JAG2: variants seen among roughly 807,000 people sequenced by gnomAD.
JAG2 encodes the protein jagged canonical Notch ligand 2, also known as protein jagged-2.
In JAG2, 46 loss-of-function variants were observed where a neutral mutation model predicts 141.7. That is an observed-to-expected ratio of 0.32 (90% CI 0.26 to 0.42). The LOEUF is 0.42. Among genes scored for constraint, JAG2 ranks in the 10% least tolerant of loss-of-function variants. JAG2 has a pLI of 1.00. For synonymous variants in JAG2, 862 were observed against 763.5 expected (o/e 1.13, Z -2.13); for missense variants, 1,500 against 1,817.5 (o/e 0.83, Z 3.18).
At position 105,142,231 on chromosome 14, in the gene JAG2, G is replaced by A. The variant is rs150562256; in HGVS notation, c.*464C>T. 1,455 of 163,208 alleles carry A rather than the reference G, an allele frequency of 8.9e-3. 29 individuals carry two copies. Among genetic ancestry groups the A allele is most frequent in the Middle Eastern group, 0.08 (151 of 1,896 alleles). The allele number at this position is 163,208 out of a possible 1,614,324, so 10.1% of individuals were successfully genotyped here. Reference sequence around the variant, plus strand: ...CCCATTGACAGCCACGAGTCCCACCGACAGCCACAGGCCACACCATCAGCC... The same window carrying A: ...CCCATTGACAGCCACGAGTCCCACCAACAGCCACAGGCCACACCATCAGCC... On this transcript the variant is annotated 3_prime_UTR_variant, in exon 26 of 26. Transcript: ENST00000331782.
chr14:105,147,216 T>C, intron 20 of JAG2, 110 bp downstream of exon 20: 2 of 807,744 alleles, frequency 2.5e-6, no homozygotes, highest in Non-Finnish European at 2.1e-6. Flanking sequence ...AGGCAGGAAG[T>C]AGTTGTGGCC....
chr14:105,166,026 G>T (rs974388001), intron 2 of JAG2, among the ~76,000 whole-genome samples: 1 of 152,246 alleles, frequency 6.6e-6, no homozygotes, highest in Non-Finnish European at 1.5e-5. Context: ...GGAGACCAGG[G>T]CTGCCCCCAA....
At chr14:105,150,817 G>C in intron 11 of JAG2, 40 bp from the exon 12 acceptor site, 2 of 1,573,208 alleles carry the variant, frequency 1.3e-6, no homozygotes, top group Non-Finnish European at 1.7e-6. Context: ...CAGGCACCCT[G>C]ACGGCCCCGC....
chr14:105,162,471 C>A (rs1888777115), intron 2 of JAG2, among the ~76,000 whole-genome samples: 1 of 152,190 alleles, frequency 6.6e-6, no homozygotes, highest in Non-Finnish European at 1.5e-5. Flanking sequence ...GGCCAGGGCA[C>A]CTCAAAGCCC....
At chr14:105,168,164 G>C in intron 1 of JAG2, 57 bp from the exon 2 acceptor site, 1 of 1,398,628 alleles carries the variant, frequency 7.1e-7, no homozygotes, top group Non-Finnish European at 9.3e-7. Flanking sequence ...CGGCGGGCCG[G>C]GCGCCAGGGG....
chr14:105,144,498 C>G (rs946873832), intron 24 of JAG2, among the ~76,000 whole-genome samples: 1 of 152,196 alleles, frequency 6.6e-6, no homozygotes, highest in Non-Finnish European at 1.5e-5. Flanking sequence ...ATTCCCTCCC[C>G]TCTCCGGGCA....
In JAG2 at chr14:105,148,182, A is replaced by G; in HGVS notation, c.2182T>C (p.Tyr728His). The change falls in exon 17 of 26, where the codon TAC becomes CAC. Residue 728 changes from tyrosine to histidine, a missense_variant. This residue lies in a region of JAG2 where 875 missense variants were observed against 1,202.2 expected (regional missense o/e 0.73). Coordinates refer to ENST00000331782, the MANE Select transcript of JAG2 (RefSeq NM_002226.5). Reference protein sequence around the residue: ...AYTCSNGGTCYDSGDTFRCAC... With the variant: ...AYTCSNGGTCHDSGDTFRCAC... ...CAGCGGAAGGTGTCGCCGCTGTCGT[A>G]GCAGGTGCCACCGTTGCTGCAGGTG... 6.4e-7 allele frequency: 1 copy of G among 1,553,098 alleles called. No homozygotes were observed. Among genetic ancestry groups the G allele is most frequent in the Non-Finnish European group, 8.7e-7 (1 of 1,148,548 alleles).
Position 105,150,679 on chromosome 14 carries a change from G to T in JAG2, c.1527C>A (p.Ser509Arg), listed in dbSNP as rs374509372. The T allele has an allele frequency of 2.9e-5, 45 of 1,552,168 alleles. No homozygotes were observed. The highest frequency in any genetic ancestry group is 3.7e-5 in the Non-Finnish European group (42 of 1,148,050). The part of the protein sequence containing the change: ...RDECASSPCH[S>R]GGLCEDLADG... Reference sequence around the variant, plus strand: ...CGGCCAGGTCCTCGCAGAGGCCGCCGCTGTGGCAGGGGCTGCTGGCACACT... The same window carrying T: ...CGGCCAGGTCCTCGCAGAGGCCGCCTCTGTGGCAGGGGCTGCTGGCACACT... The change falls in exon 12 of 26, where the codon AGC (serine) becomes AGA (arginine). Residue 509 changes from serine to arginine, a missense_variant. Coordinates refer to ENST00000331782, the MANE Select transcript of JAG2 (RefSeq NM_002226.5).
In JAG2 at chr14:105,154,307, T is replaced by C. The variant is rs902008951; in HGVS notation, c.788+1255A>G. Among the ~76,000 whole-genome samples, 1 of 152,184 alleles carries C rather than the reference T, an allele frequency of 6.6e-6. No individual in the cohort carries two copies. The highest frequency in any genetic ancestry group is 2.4e-5 in the African/African-American group (1 of 41,440). ...TCCTGGGACCCCTGCAATCCAAGGC[T>C]GGCTGGAGGGCGGTGCTCACCTCCA... On this transcript the variant is annotated intron_variant, in intron 5 of 25. Transcript: ENST00000331782. This position sits in a 1 kb window ranked among gnomAD's most constrained non-coding sequence, Gnocchi z 4.4.
rs1407080658 is a variant in JAG2 at position 105,151,657 on chromosome 14, T to C, written c.1122A>G (p.Pro374=). The C allele has an allele frequency of 4.3e-6, 7 of 1,610,404 alleles. No homozygotes were observed. The highest frequency in any genetic ancestry group is 5.1e-6 in the Non-Finnish European group (6 of 1,179,138). ...CACAGGTGGGCCCGCTCCAGCCCGA[T>C]GGGCAGTGGCATTCGAAGCCGGACG... ...EVPSGFECHC[P]SGWSGPTCAL... is the part of the protein sequence containing the mutation. Residue 374 remains proline, a synonymous_variant, in exon 8 of 26, where the codon CCA becomes CCG. Transcript: ENST00000331782.
At chr14:105,147,450 G>T in intron 19 of JAG2, 39 bp from the exon 20 acceptor site, 1 of 1,609,666 alleles carries the variant, frequency 6.2e-7, no homozygotes, top group Admixed American at 1.7e-5. Flanking sequence ...GCCCCCCGTG[G>T]TATGCCAAGT....
intron 12 of JAG2, among the ~76,000 whole-genome samples, chr14:105,149,843 G>A (rs1294661514): frequency 9.9e-6 from 1 of 101,400 alleles, no homozygotes; most frequent in Non-Finnish European, 2.0e-5. Flanking sequence ...GAAGTAAGGG[G>A]AGGGGGTGGT....
At chr14:105,145,405 C>G (rs2816636) in intron 23 of JAG2, among the ~76,000 whole-genome samples, 145,013 of 152,300 alleles carry the variant, frequency 0.95, 69,112 homozygotes, top group East Asian at 1. Flanking sequence ...GCAAAGGTGG[C>G]TCCTAGGCCA....
intron 2 of JAG2, among the ~76,000 whole-genome samples, chr14:105,160,845 G>A (rs1189203527): frequency 2.0e-5 from 3 of 148,440 alleles, no homozygotes; most frequent in Non-Finnish European, 4.4e-5. Flanking sequence ...CCTGGGCAAC[G>A]AGGGCAAAAC....
In JAG2 at chr14:105,149,162, C is replaced by T. The variant is rs749297498; in HGVS notation, c.1753+8G>A. 9.8e-5 allele frequency: 158 copies of T among 1,609,364 alleles called. 4 individuals are homozygous for T. In the Admixed American group the frequency reaches 2.4e-3, roughly 24 times the overall value. On this transcript the variant is annotated splice_region_variant and intron_variant, in intron 13 of 25. Coordinates refer to ENST00000331782, the MANE Select transcript of JAG2 (RefSeq NM_002226.5). ...ACCTCCCCCACCACCCCATGCCGCA[C>T]CCAGCACCTCTGCAGGCCCCGCCAG...
chr14:105,145,145 TG>T, intron 23 of JAG2, 84 bp from the exon 24 acceptor site: 1 of 1,554,848 alleles, frequency 6.4e-7, no homozygotes, highest in Non-Finnish European at 8.8e-7. Context: ...TGGGTACACG[TG>T]GGACACACCC....
rs1216756119 is a variant in JAG2 at position 105,143,008 on chromosome 14, C to T, written c.3404G>A (p.Arg1135His). Residue 1135 changes from arginine to histidine, a missense_variant, in exon 26 of 26, where the codon CGC becomes CAC. Physicochemically the swap from Arg to His is conservative, Grantham distance 29. Transcript: ENST00000331782. The stretch of plus-strand genomic sequence containing the variant: ...GCCCCCCGGCCGCTCAATGGGGTTG[C>T]GGATGGGGTTGAGCGGGGCCCACTG... ...NNQWAPLNPI[R>H]NPIERPGGHK... 1.8e-5 allele frequency: 29 copies of T among 1,607,056 alleles called. No homozygotes were observed. Among genetic ancestry groups the T allele is most frequent in the Middle Eastern group, 1.6e-4 (1 of 6,062 alleles).
chr14:105,162,406 C>G (rs996347861), intron 2 of JAG2, among the ~76,000 whole-genome samples: 1 of 97,526 alleles, frequency 1.0e-5, no homozygotes, highest in African/African-American at 3.7e-5. Flanking sequence ...GCAGGGGCAA[C>G]AGCAGTGGCA....
At position 105,142,762 on chromosome 14, in the gene JAG2, G is replaced by C; in HGVS notation, c.3650C>G (p.Ser1217Ter). ...CGCGCGGTTGTCCACTTTGGGGCCT[G>C]AGGCCCAGTGGGCCGGCCTCCCCGG... The part of the protein sequence containing the change: ...RSPGRPAHWA[S>*]GPKVDNRAVR... The change falls in exon 26 of 26, where the codon TCA becomes TGA. Residue 1217 changes from serine (S) to a stop codon, truncating the protein, a stop_gained. Transcript: ENST00000331782. LOFTEE classifies it high-confidence loss of function. 2 of 1,610,624 alleles carry C rather than the reference G, an allele frequency of 1.2e-6. No individual in the cohort carries two copies. Among genetic ancestry groups the C allele is most frequent in the Non-Finnish European group, 1.7e-6 (2 of 1,178,998 alleles).
Sources: allele counts gnomAD v4.1 joint callset (sites outside exome capture counted in the v4.1 genomes callset), GRCh38; gene constraint gnomAD v4.1.1; regional missense constraint gnomAD v4.1.1; non-coding constraint Gnocchi (gnomAD v3.1); transcripts MANE v1.5; gene names NCBI Gene and HGNC (gene_info 2026-07-23, HGNC 2026-07-21).